Variants in MAP3K5 observed in about 807,000 individuals in gnomAD.
The protein encoded by MAP3K5 is mitogen-activated protein kinase kinase kinase 5, also known as ASK-1.
MAP3K5 carries 56 observed loss-of-function variants against 158.7 expected under a neutral mutation model. The ratio of observed to expected loss-of-function variants is 0.35; its 90% CI spans 0.28 to 0.44. MAP3K5 has a LOEUF of 0.44. MAP3K5 is among the 20% of genes least tolerant of loss of function. The pLI is 1.00. For synonymous variants in MAP3K5, 579 were observed against 601.7 expected, an observed-to-expected ratio of 0.96 and a Z score of 0.55; for missense variants, 1,294 against 1,674.8, an observed-to-expected ratio of 0.77 and a Z score of 3.97.
chr6:136,748,029 T>C (rs747009998), intron 1 of MAP3K5, among the ~76,000 whole-genome samples: 3 of 152,176 alleles, frequency 2.0e-5, no homozygotes, highest in Non-Finnish European at 4.4e-5. Context: ...GATTTCAAAA[T>C]GATCTCTAAA....
At chr6:136,752,621 A>G (rs1783265343) in intron 1 of MAP3K5, among the ~76,000 whole-genome samples, 2 of 152,190 alleles carry the variant, frequency 1.3e-5, no homozygotes, top group African/African-American at 4.8e-5. Flanking sequence ...CATTTTGGCC[A>G]GGCTGGTCTC....
chr6:136,723,654 A>G (rs746664147), intron 1 of MAP3K5, among the ~76,000 whole-genome samples: 4 of 152,238 alleles, frequency 2.6e-5, no homozygotes, highest in Non-Finnish European at 5.9e-5. Flanking sequence ...AAAGTGCAGC[A>G]CATAAAAATA....
chr6:136,685,750 GA>G (rs1190073619), intron 7 of MAP3K5, among the ~76,000 whole-genome samples: 2 of 151,976 alleles, frequency 1.3e-5, no homozygotes, highest in African/African-American at 4.8e-5. Flanking sequence ...CAGCATTTAA[GA>G]AATGAAAACC....
chr6:136,774,655 G>A (rs901220600), intron 1 of MAP3K5, among the ~76,000 whole-genome samples: 2 of 152,144 alleles, frequency 1.3e-5, no homozygotes, highest in East Asian at 1.9e-4. Context: ...CATAAAATGT[G>A]ATCTTTGTCA....
chr6:136,724,111 C>T (rs1562646782), intron 1 of MAP3K5, among the ~76,000 whole-genome samples: 3 of 152,074 alleles, frequency 2.0e-5, no homozygotes, highest in South Asian at 2.1e-4. Flanking sequence ...AAATAAGAGA[C>T]ATGCAAAGAA....
rs773642542 is a variant in MAP3K5, at chr6:136,791,884, T to C, written c.274A>G (p.Thr92Ala). 2 of 1,613,434 alleles carry C rather than the reference T, an allele frequency of 1.2e-6. No individual in the cohort carries two copies. Among genetic ancestry groups the C allele is most frequent in the South Asian group, 2.2e-5 (2 of 91,078 alleles). The change falls in exon 1 of 30, where the codon ACG (threonine) becomes GCG (alanine). Residue 92 changes from threonine to alanine, a missense_variant. Around this residue, in one of 5 missense-constraint regions of MAP3K5, gnomAD observed 690 missense variants for 870.5 expected, o/e 0.79. Transcript: ENST00000359015. The stretch of plus-strand genomic sequence containing the variant: ...GCTTCGTTGATCACATATGCCACCG[T>C]GGTCCGTCGGCTGCCCCCGCCAACA... The part of the protein sequence containing the change: ...SSVGGGSRRT[T>A]VAYVINEASQ...
At chr6:136,791,601 T>A in intron 1 of MAP3K5, 109 bp downstream of exon 1, 1 of 1,200,278 alleles carries the variant, frequency 8.3e-7, no homozygotes, top group Non-Finnish European at 1.2e-6. Flanking sequence ...GCCCCCAAAG[T>A]GGGGCAAGAA....
chr6:136,707,571 A>G (rs928947913), intron 2 of MAP3K5, among the ~76,000 whole-genome samples: 7 of 151,244 alleles, frequency 4.6e-5, no homozygotes, highest in Admixed American at 6.6e-5. Context: ...GGGGGGGGGA[A>G]CCCCTTGAAC....
chr6:136,679,922 T>C (rs1270321575), intron 7 of MAP3K5, among the ~76,000 whole-genome samples: 3 of 152,168 alleles, frequency 2.0e-5, no homozygotes, highest in Non-Finnish European at 2.9e-5. Context: ...AAGAGATGAA[T>C]GGATAAACAA....
At chr6:136,646,769 A>G (rs1041598530) in intron 11 of MAP3K5, among the ~76,000 whole-genome samples, 2 of 152,244 alleles carry the variant, frequency 1.3e-5, no homozygotes, top group Non-Finnish European at 2.9e-5. Context: ...GTATACTTGC[A>G]TACATGCAAA....
intron 1 of MAP3K5, among the ~76,000 whole-genome samples, chr6:136,738,801 C>T (rs1562660881): frequency 6.6e-6 from 1 of 152,142 alleles, no homozygotes; most frequent in Non-Finnish European, 1.5e-5. Context: ...GCCTAAGGAA[C>T]CTGTAGCCAC....
At chr6:136,760,273 A>G (rs995756350) in intron 1 of MAP3K5, among the ~76,000 whole-genome samples, 2 of 151,992 alleles carry the variant, frequency 1.3e-5, no homozygotes, top group African/African-American at 4.8e-5. Flanking sequence ...CCAGTCTACA[A>G]TTTTTTTTCC....
At chr6:136,724,943 C>T (rs1781903726) in intron 1 of MAP3K5, among the ~76,000 whole-genome samples, 1 of 152,178 alleles carries the variant, frequency 6.6e-6, no homozygotes, top group African/African-American at 2.4e-5. Flanking sequence ...CTTCCCCACA[C>T]CCCAAATCCC....
intron 1 of MAP3K5, among the ~76,000 whole-genome samples, chr6:136,740,965 G>A (rs1380198898): frequency 6.6e-6 from 1 of 152,014 alleles, no homozygotes; most frequent in Admixed American, 6.6e-5. Flanking sequence ...TTTCACTCCT[G>A]GAGAGACTAT....
intron 9 of MAP3K5, among the ~76,000 whole-genome samples, 172 bp from the exon 10 acceptor site, chr6:136,656,632 T>C (rs1778761630): frequency 6.6e-6 from 1 of 152,196 alleles, no homozygotes; most frequent in Non-Finnish European, 1.5e-5. Context: ...ACTTTTTTTT[T>C]TTTTAATGTT....
chr6:136,653,157 A>G (rs1235184680), intron 10 of MAP3K5, among the ~76,000 whole-genome samples: 1 of 152,170 alleles, frequency 6.6e-6, no homozygotes, highest in Non-Finnish European at 1.5e-5. Flanking sequence ...ACGTTAGATA[A>G]TGAGTTGATG....
At chr6:136,560,219 A>G (rs555468861) in intron 28 of MAP3K5, among the ~76,000 whole-genome samples, 1 of 152,284 alleles carries the variant, frequency 6.6e-6, no homozygotes, top group South Asian at 2.1e-4. Context: ...AGTGGCTCAC[A>G]CTTGTAATCT....
intron 10 of MAP3K5, chr6:136,656,079 C>A: frequency 2.1e-6 from 1 of 475,572 alleles, no homozygotes; most frequent in Non-Finnish European, 3.8e-6. Flanking sequence ...CAAAAGGAAC[C>A]ACCCAAATTC....
At chr6:136,748,046 C>A (rs1484402614) in intron 1 of MAP3K5, among the ~76,000 whole-genome samples, 3 of 151,902 alleles carry the variant, frequency 2.0e-5, no homozygotes, top group South Asian at 2.1e-4. Context: ...TAAAAAAAAA[C>A]AAAATTTCCA....
Sources: allele counts gnomAD v4.1 joint callset (sites outside exome capture counted in the v4.1 genomes callset), GRCh38; gene constraint gnomAD v4.1.1; regional missense constraint gnomAD v4.1.1; transcripts MANE v1.5; gene names NCBI Gene and HGNC (gene_info 2026-07-23, HGNC 2026-07-21).